The following CDC42BPA variants were observed in gnomAD, a reference collection of about 807,000 sequenced individuals.
CDC42BPA encodes serine/threonine-protein kinase MRCK alpha.
A neutral mutation model predicts 223.5 loss-of-function variants in CDC42BPA; 80 were observed. The ratio of observed to expected loss-of-function variants is 0.36; its 90% CI spans 0.30 to 0.43. The LOEUF (loss-of-function observed/expected upper bound fraction) is 0.43, where lower values mean the gene tolerates loss of function less well. Among genes scored for constraint, CDC42BPA ranks in the 20% least tolerant of loss-of-function variants. CDC42BPA has a pLI of 1.00. For missense variants in CDC42BPA, 1,743 were observed against 2,099.9 expected (o/e 0.83, Z 3.32); for synonymous variants, 694 against 718.6 (o/e 0.97, Z 0.55).
At chr1:227,190,203 TC>T (rs1669482557) in intron 5 of CDC42BPA, among the ~76,000 whole-genome samples, 1 of 152,164 alleles carries the variant, frequency 6.6e-6, no homozygotes, top group African/African-American at 2.4e-5. Context: ...AGTCTTCTCA[TC>T]CTTCAAAGCC....
At chr1:227,261,552 T>C (rs1684076986) in intron 1 of CDC42BPA, among the ~76,000 whole-genome samples, 1 of 144,534 alleles carries the variant, frequency 6.9e-6, no homozygotes, top group African/African-American at 2.9e-5. Flanking sequence ...CATGAGAGAT[T>C]TTAAATATAC....
chr1:227,017,259 A>G (rs45553032), intron 32 of CDC42BPA, among the ~76,000 whole-genome samples: 1 of 151,890 alleles, frequency 6.6e-6, no homozygotes, highest in Non-Finnish European at 1.5e-5. Context: ...CTTACAAAAT[A>G]TACTTTCACT....
intron 14 of CDC42BPA, among the ~76,000 whole-genome samples, chr1:227,110,507 A>T (rs571931801): frequency 6.6e-6 from 1 of 152,242 alleles, no homozygotes; most frequent in Non-Finnish European, 1.5e-5. Flanking sequence ...TGTGAATGAA[A>T]GTTAGAAAAC....
chr1:227,203,423 C>G (rs1194394353), intron 3 of CDC42BPA, among the ~76,000 whole-genome samples: 2 of 152,116 alleles, frequency 1.3e-5, no homozygotes, highest in East Asian at 3.8e-4. Context: ...AATGAAGTCC[C>G]TGTTGAGAAG....
chr1:227,061,602 T>C (rs1304573037), intron 21 of CDC42BPA, among the ~76,000 whole-genome samples: 1 of 152,224 alleles, frequency 6.6e-6, no homozygotes, highest in Non-Finnish European at 1.5e-5. Flanking sequence ...TTTGATCTGA[T>C]ACTCAGGTCA....
chr1:227,311,844 C>A (rs1241369103), intron 1 of CDC42BPA, among the ~76,000 whole-genome samples: 10 of 152,114 alleles, frequency 6.6e-5, no homozygotes, highest in African/African-American at 2.4e-4. Flanking sequence ...CTCCCTCCCC[C>A]ATGTCTCCTC....
At chr1:227,150,079 C>G (rs1438301977) in intron 6 of CDC42BPA, among the ~76,000 whole-genome samples, 2 of 151,840 alleles carry the variant, frequency 1.3e-5, no homozygotes, top group Non-Finnish European at 2.9e-5. Flanking sequence ...CAAAAATTAG[C>G]TGGACATGGT....
Position 227,090,674 on chromosome 1 carries a change from G to C in CDC42BPA, c.2355+1212C>G, listed in dbSNP as rs111428730. On this transcript the variant is annotated intron_variant, in intron 16 of 36. Coordinates refer to ENST00000366766, the MANE Select transcript of CDC42BPA (RefSeq NM_001394014.1). ...AAAAGTACAAACATTAGCTGGGTGTGGTGGTGTGCGCCTGTAGTCCCAGCA... is the reference window on the plus strand; with the variant it reads ...AAAAGTACAAACATTAGCTGGGTGTCGTGGTGTGCGCCTGTAGTCCCAGCA... Among the ~76,000 whole-genome samples, 1,397 of 152,222 alleles carry C rather than the reference G, an allele frequency of 9.2e-3. 23 individuals are homozygous for C. The highest frequency in any genetic ancestry group is 0.032 in the African/African-American group (1,334 of 41,534).
intron 14 of CDC42BPA, among the ~76,000 whole-genome samples, chr1:227,103,234 A>T (rs994092737): frequency 6.6e-5 from 10 of 152,148 alleles, no homozygotes; most frequent in African/African-American, 2.4e-4. Context: ...CCCAGAAAAT[A>T]CAAATAAATC....
At chr1:227,195,724 G>A (rs1313362385) in intron 4 of CDC42BPA, among the ~76,000 whole-genome samples, 1 of 151,772 alleles carries the variant, frequency 6.6e-6, no homozygotes, top group Non-Finnish European at 1.5e-5. Flanking sequence ...TGTTCTGATT[G>A]GTTAATTTTA....
At chr1:227,002,017 A>G (rs895615306) in intron 35 of CDC42BPA, among the ~76,000 whole-genome samples, 3 of 152,262 alleles carry the variant, frequency 2.0e-5, no homozygotes, top group African/African-American at 4.8e-5. Flanking sequence ...CTTTATTTAT[A>G]AAGACTACAT....
intron 29 of CDC42BPA, 47 bp from the exon 30 acceptor site, chr1:227,029,297 A>T: frequency 8.1e-7 from 1 of 1,232,712 alleles, no homozygotes; most frequent in Non-Finnish European, 1.1e-6. Flanking sequence ...TTATTGATTA[A>T]TCATATCCCA....
At chr1:227,109,351 T>C (rs545200795) in intron 14 of CDC42BPA, among the ~76,000 whole-genome samples, 2 of 152,002 alleles carry the variant, frequency 1.3e-5, no homozygotes, top group African/African-American at 2.4e-5. Flanking sequence ...ACAAACACAT[T>C]GTACAGATGT....
Position 227,016,059 on chromosome 1 carries a change from C to A in CDC42BPA, c.4857+21G>T, listed in dbSNP as rs753464288. The A allele has an allele frequency of 1.4e-5, 19 of 1,332,498 alleles. No homozygotes were observed. In the East Asian group the frequency reaches 3.9e-4, roughly 27 times the overall value. 82.5% of individuals were successfully genotyped at this position (1,332,498 alleles called of 1,614,324 possible). A position where few individuals can be genotyped will look rare whatever the true frequency, so the allele number is the denominator to read the frequency against. On this transcript the variant is annotated intron_variant, in intron 34 of 36. Transcript: ENST00000366766. ...CCCCCCACACCCGCCCTTTTTTACA[C>A]TCACTCTTAATTCCTCTTACCATGG...
At chr1:227,237,468 G>A (rs1164222428) in intron 2 of CDC42BPA, among the ~76,000 whole-genome samples, 1 of 152,106 alleles carries the variant, frequency 6.6e-6, no homozygotes, top group Non-Finnish European at 1.5e-5. Flanking sequence ...ATACTATTCT[G>A]CATCTTATTT....
chr1:227,215,891 A>G (rs1674737980), intron 2 of CDC42BPA, among the ~76,000 whole-genome samples: 1 of 152,220 alleles, frequency 6.6e-6, no homozygotes, highest in Admixed American at 6.5e-5. Flanking sequence ...ATACAAATAA[A>G]AACTAAGCCA....
intron 2 of CDC42BPA, among the ~76,000 whole-genome samples, chr1:227,248,366 C>CT (rs1209691206): frequency 6.6e-6 from 1 of 152,024 alleles, no homozygotes; most frequent in Admixed American, 6.6e-5. Context: ...AAAGACTCCA[C>CT]ACACACACAC....
chr1:227,000,476 T>C (rs1662593170), intron 35 of CDC42BPA, among the ~76,000 whole-genome samples: 1 of 152,258 alleles, frequency 6.6e-6, no homozygotes. Flanking sequence ...AGACTTCCAC[T>C]GCTCTGCTTA....
intron 2 of CDC42BPA, among the ~76,000 whole-genome samples, chr1:227,244,194 G>C (rs1015913043): frequency 6.6e-6 from 1 of 152,068 alleles, no homozygotes; most frequent in Non-Finnish European, 1.5e-5. Flanking sequence ...ACAAATAAGT[G>C]CTCATAGCTC....
Sources: allele counts gnomAD v4.1 joint callset (sites outside exome capture counted in the v4.1 genomes callset), GRCh38; gene constraint gnomAD v4.1.1; transcripts MANE v1.5; gene names NCBI Gene and HGNC (gene_info 2026-07-23, HGNC 2026-07-21).